Variants in CNTNAP2 observed in about 807,000 individuals in gnomAD.
CNTNAP2 encodes the protein contactin associated protein 2, also known as contactin-associated protein-like 2.
In CNTNAP2, 98 loss-of-function variants were observed where a neutral mutation model predicts 155.2. The observed-to-expected ratio is 0.63, with a 90% CI of 0.54 to 0.75. CNTNAP2 has a LOEUF of 0.75. Among genes scored for constraint, CNTNAP2 ranks in the 30% least tolerant of loss-of-function variants. CNTNAP2 has a pLI of 0.00. For synonymous variants in CNTNAP2, 651 were observed against 631.2 expected (o/e 1.03, Z -0.47); for missense variants, 1,727 against 1,688.1 (o/e 1.02, Z -0.40).
chr7:147,152,659 TATC>T (rs1467917406), intron 8 of CNTNAP2, among the ~76,000 whole-genome samples: 1 of 152,148 alleles, frequency 6.6e-6, no homozygotes, highest in East Asian at 1.9e-4. Flanking sequence ...ACATTTAGCT[TATC>T]ATATGTGTTT....
chr7:148,038,839 G>A (rs1289336073), intron 15 of CNTNAP2, among the ~76,000 whole-genome samples: 1 of 151,586 alleles, frequency 6.6e-6, no homozygotes, highest in African/African-American at 2.4e-5. Flanking sequence ...TGGATGGATG[G>A]ATGGATGGAT....
chr7:147,756,092 C>T (rs1363951384), intron 13 of CNTNAP2, among the ~76,000 whole-genome samples: 1 of 152,170 alleles, frequency 6.6e-6, no homozygotes, highest in Non-Finnish European at 1.5e-5. Context: ...AGCTTCATAA[C>T]AATGACACAC....
At chr7:146,936,419 C>A (rs1483460534) in intron 3 of CNTNAP2, among the ~76,000 whole-genome samples, 1 of 152,204 alleles carries the variant, frequency 6.6e-6, no homozygotes, top group African/African-American at 2.4e-5. Flanking sequence ...CCTTGCAAAA[C>A]CCACTGTTCT....
intron 1 of CNTNAP2, among the ~76,000 whole-genome samples, chr7:146,403,470 AACAC>A (rs1242002919): frequency 1.3e-5 from 2 of 152,256 alleles, no homozygotes; most frequent in Non-Finnish European, 2.9e-5. Context: ...AAAACTATGA[AACAC>A]ACTATTTGAG....
At chr7:146,876,543 G>C (rs1409167465) in intron 3 of CNTNAP2, among the ~76,000 whole-genome samples, 6 of 151,982 alleles carry the variant, frequency 3.9e-5, no homozygotes, top group Admixed American at 3.9e-4. Context: ...TGTAACTTTC[G>C]TTTGCCTCAA....
At chr7:147,594,676 G>A (rs1281785671) in intron 12 of CNTNAP2, among the ~76,000 whole-genome samples, 1 of 152,084 alleles carries the variant, frequency 6.6e-6, no homozygotes, top group East Asian at 1.9e-4. Context: ...ATTGTTCTCA[G>A]CTTTGAGCCT....
chr7:147,307,569 G>A (rs1393643744), intron 9 of CNTNAP2, among the ~76,000 whole-genome samples: 3 of 150,008 alleles, frequency 2.0e-5, no homozygotes, highest in Admixed American at 2.0e-4. Flanking sequence ...GGGTGACAGA[G>A]CAAAACTCCA....
intron 1 of CNTNAP2, among the ~76,000 whole-genome samples, chr7:146,657,383 G>A (rs954474179): frequency 6.6e-6 from 1 of 152,164 alleles, no homozygotes; most frequent in African/African-American, 2.4e-5. Flanking sequence ...TTTCCAAATA[G>A]TTGATGAACT....
intron 14 of CNTNAP2, among the ~76,000 whole-genome samples, chr7:147,938,905 C>A (rs1370915673): frequency 6.6e-6 from 1 of 152,208 alleles, no homozygotes; most frequent in Non-Finnish European, 1.5e-5. Flanking sequence ...TAAGGCTACT[C>A]ATCACAGAGT....
At chr7:147,348,287 G>A (rs568502103) in intron 9 of CNTNAP2, among the ~76,000 whole-genome samples, 1 of 151,512 alleles carries the variant, frequency 6.6e-6, no homozygotes, top group Non-Finnish European at 1.5e-5. Flanking sequence ...GAATATACAA[G>A]GAACTAAAGC....
chr7:147,807,352 CA>C (rs1405164231), intron 13 of CNTNAP2, among the ~76,000 whole-genome samples: 10 of 98,656 alleles, frequency 1.0e-4, no homozygotes, highest in African/African-American at 3.7e-4. Flanking sequence ...AAAACGAAAA[CA>C]AAAAAAAGAA....
In CNTNAP2 at chr7:148,378,013, T is replaced by G. The variant is rs529520155; in HGVS notation, c.3476-5636T>G. 5.4e-4 allele frequency among the ~76,000 whole-genome samples: 37 copies of G among 68,490 alleles called. 15 individuals carry two copies. The South Asian group carries it at 0.015, about 28-fold the overall frequency. 44.9% of individuals were successfully genotyped at this position (68,490 alleles called of 152,430 possible). ...TGTTCAGTAGGTTACGTGTATTTAA[T>G]GCATTTTTGATTTACAATATTCCCA... On this transcript the variant is annotated intron_variant, in intron 21 of 23. Transcript: ENST00000361727.
intron 18 of CNTNAP2, among the ~76,000 whole-genome samples, chr7:148,172,861 T>G (rs1794848607): frequency 6.6e-6 from 1 of 152,152 alleles, no homozygotes; most frequent in Admixed American, 6.6e-5. Flanking sequence ...ATTTCTGTAG[T>G]GAATCAGCCA....
intron 15 of CNTNAP2, among the ~76,000 whole-genome samples, chr7:148,000,670 T>G (rs970517940): frequency 6.6e-6 from 1 of 152,168 alleles, no homozygotes; most frequent in Non-Finnish European, 1.5e-5. Flanking sequence ...TTCTTTTGTA[T>G]AACAAGAGAA....
rs138037717 is a variant in CNTNAP2 at position 146,997,325 on chromosome 7, T to A, written c.403-46582T>A. 1.3e-3 allele frequency among the ~76,000 whole-genome samples: 193 copies of A among 152,290 alleles called. 3 individuals carry two copies. The highest frequency in any genetic ancestry group is 4.1e-3 in the African/African-American group (170 of 41,566). On this transcript the variant is annotated intron_variant, in intron 3 of 23. Transcript: ENST00000361727. ...AAGGTTTCTTCTGCATCTATTGAAGTGATCATATTATTTTTGTTGTCCACT... is the reference window on the plus strand; with the variant it reads ...AAGGTTTCTTCTGCATCTATTGAAGAGATCATATTATTTTTGTTGTCCACT...
chr7:146,741,059 A>T (rs1017222738), intron 1 of CNTNAP2, among the ~76,000 whole-genome samples: 21 of 151,904 alleles, frequency 1.4e-4, no homozygotes, highest in Non-Finnish European at 2.6e-4. Flanking sequence ...TCCAGGAAAA[A>T]TCCTGTGCTC....
intron 23 of CNTNAP2, among the ~76,000 whole-genome samples, chr7:148,411,717 G>A (rs148419070): frequency 5.7e-4 from 86 of 151,788 alleles, no homozygotes; most frequent in African/African-American, 2.0e-3. Flanking sequence ...GTTTATAAAT[G>A]GTGTGAGAGA....
chr7:147,056,805 C>G (rs911683497), intron 4 of CNTNAP2, among the ~76,000 whole-genome samples: 2 of 152,064 alleles, frequency 1.3e-5, no homozygotes, highest in African/African-American at 4.8e-5. Context: ...CATTCTCACT[C>G]TGTCACCGAG....
chr7:146,967,102 A>G (rs1223501410), intron 3 of CNTNAP2, among the ~76,000 whole-genome samples: 1 of 152,170 alleles, frequency 6.6e-6, no homozygotes, highest in African/African-American at 2.4e-5. Context: ...TGTGTCAGAT[A>G]CCTTACTAAA....
Sources: allele counts gnomAD v4.1 joint callset (sites outside exome capture counted in the v4.1 genomes callset), GRCh38; gene constraint gnomAD v4.1.1; transcripts MANE v1.5; gene names NCBI Gene and HGNC (gene_info 2026-07-23, HGNC 2026-07-21).